The following CEP128 variants were observed in gnomAD, a reference collection of about 807,000 sequenced individuals.
CEP128 encodes the protein centrosomal protein 128kDa.
CEP128 carries 132 observed loss-of-function variants against 156.7 expected under a neutral mutation model. The ratio of observed to expected loss-of-function variants is 0.84; its 90% confidence interval spans 0.73 to 0.97. The LOEUF (loss-of-function observed/expected upper bound fraction) is 0.97, where lower values mean the gene tolerates loss of function less well. Among genes scored for constraint, CEP128 ranks in the 50% least tolerant of loss-of-function variants. CEP128 has a pLI of 0.00. For missense variants in CEP128, 1,252 were observed against 1,281.9 expected, an observed-to-expected ratio of 0.98 and a Z score of 0.36; for synonymous variants, 469 against 448.9, an observed-to-expected ratio of 1.04 and a Z score of -0.57.
In CEP128 at chr14:80,717,307, C is replaced by G. The variant is rs192282666; in HGVS notation, c.2806+25768G>C. ...GAACATATGAAAATACTGGAATACT[C>G]CCAAAAAAAGAAGTTCTTCAGTTCT... On this transcript the variant is annotated intron_variant, in intron 19 of 24. Transcript: ENST00000555265. Among the ~76,000 whole-genome samples, 661 of 152,052 alleles carry G rather than the reference C, an allele frequency of 4.3e-3. 9 individuals carry two copies. The highest frequency in any genetic ancestry group is 0.016 in the African/African-American group (646 of 41,480).
intron 19 of CEP128, among the ~76,000 whole-genome samples, chr14:80,730,921 C>G (rs1898243313): frequency 6.6e-6 from 1 of 151,834 alleles, no homozygotes; most frequent in Non-Finnish European, 1.5e-5. Context: ...GTGAGCTATT[C>G]AAAAAATTAT....
chr14:80,778,042 T>C lies in CEP128; in HGVS notation c.2216A>G (p.Glu739Gly). ...AGCCATATTCTTCTCTTCTAAACTT[T>C]CAGCCTGAGAAAAAGAGAAGGAAAA... The part of the protein sequence containing the change: ...AENHIRTLKA[E>G]SLEEKNMAKI... Residue 739 changes from glutamate (E) to glycine (G), a missense_variant, in exon 16 of 25, where the codon GAA (glutamate) becomes GGA (glycine). By Grantham distance (98) the Glu-to-Gly change is moderately conservative (BLOSUM62 -2). Coordinates refer to ENST00000555265, the MANE Select transcript of CEP128 (RefSeq NM_152446.5). 1 of 1,611,450 alleles carries C rather than the reference T, an allele frequency of 6.2e-7. No individual in the cohort carries two copies. The highest frequency in any genetic ancestry group is 8.5e-7 in the Non-Finnish European group (1 of 1,179,476).
intron 9 of CEP128, 39 bp from the exon 10 acceptor site, chr14:80,840,807 T>C: frequency 3.3e-6 from 4 of 1,226,982 alleles, no homozygotes; most frequent in Non-Finnish European, 4.8e-6. Flanking sequence ...TCCCAAAATA[T>C]GTACAAAACT....
In CEP128 at chr14:80,869,541, A is replaced by C. The variant is rs142135788; in HGVS notation, c.646-6668T>G. ...ACCTAACTATACCTCAAGAAACTAA[A>C]AAACAAAATTAAACTAAACTAAGCC... On this transcript the variant is annotated intron_variant, in intron 8 of 24. Coordinates refer to ENST00000555265, the MANE Select transcript of CEP128 (RefSeq NM_152446.5). Among the ~76,000 whole-genome samples, 929 of 152,166 alleles carry C rather than the reference A, an allele frequency of 6.1e-3. 11 individuals carry two copies. Among genetic ancestry groups the C allele is most frequent in the African/African-American group, 0.021 (882 of 41,566 alleles).
intron 19 of CEP128, among the ~76,000 whole-genome samples, chr14:80,596,048 G>A (rs1250504705): frequency 2.1e-5 from 2 of 97,426 alleles, no homozygotes; most frequent in Admixed American, 1.2e-4. Flanking sequence ...AACCATATCA[G>A]CAGGGAAAAA....
intron 19 of CEP128, among the ~76,000 whole-genome samples, chr14:80,611,216 A>G (rs567809678): frequency 1.1e-4 from 17 of 152,136 alleles, no homozygotes; most frequent in South Asian, 2.1e-4. Context: ...AAATTATTCA[A>G]TTAAGCTTTA....
intron 7 of CEP128, among the ~76,000 whole-genome samples, chr14:80,897,448 T>A (rs993020143): frequency 6.6e-6 from 1 of 152,206 alleles, no homozygotes; most frequent in African/African-American, 2.4e-5. Context: ...AGCTCCATAG[T>A]AAATATCCAG....
chr14:80,921,002 AAAC>A (rs1293057661), intron 2 of CEP128, among the ~76,000 whole-genome samples: 4 of 152,354 alleles, frequency 2.6e-5, no homozygotes, highest in East Asian at 1.9e-4. Flanking sequence ...GGCAAAATAA[AAAC>A]AACTCAAATT....
intron 8 of CEP128, among the ~76,000 whole-genome samples, chr14:80,885,893 AG>A (rs1888773854): frequency 6.6e-6 from 1 of 152,136 alleles, no homozygotes; most frequent in South Asian, 2.1e-4. Flanking sequence ...AAAAGGTTAT[AG>A]GAACTGCTTA....
At chr14:80,556,425 T>G (rs1183610465) in intron 21 of CEP128, among the ~76,000 whole-genome samples, 2 of 152,214 alleles carry the variant, frequency 1.3e-5, no homozygotes, top group East Asian at 3.9e-4. Flanking sequence ...CTACTATATA[T>G]CAAACATTTC....
intron 20 of CEP128, among the ~76,000 whole-genome samples, chr14:80,562,084 C>T (rs2140377889): frequency 9.0e-6 from 1 of 110,896 alleles, no homozygotes; most frequent in Non-Finnish European, 1.9e-5. Flanking sequence ...CCCGCCACCA[C>T]ATCCGGCTAA....
intron 16 of CEP128, among the ~76,000 whole-genome samples, chr14:80,773,266 T>A (rs922551089): frequency 6.6e-6 from 1 of 152,198 alleles, no homozygotes; most frequent in Non-Finnish European, 1.5e-5. Flanking sequence ...ATGGTGTTTG[T>A]GTTAGACTTA....
At chr14:80,623,373 T>C (rs1260373954) in intron 19 of CEP128, among the ~76,000 whole-genome samples, 1 of 151,664 alleles carries the variant, frequency 6.6e-6, no homozygotes, top group Non-Finnish European at 1.5e-5. Flanking sequence ...GACGAGTTAA[T>C]GGGTGCAGCA....
intron 19 of CEP128, among the ~76,000 whole-genome samples, chr14:80,711,037 A>G (rs1377445625): frequency 6.6e-6 from 1 of 152,116 alleles, no homozygotes; most frequent in African/African-American, 2.4e-5. Flanking sequence ...ATAGCAGCTA[A>G]AAACAAAGCA....
intron 13 of CEP128, among the ~76,000 whole-genome samples, chr14:80,803,801 T>C (rs1884014987): frequency 6.6e-6 from 1 of 152,194 alleles, no homozygotes; most frequent in Admixed American, 6.5e-5. Flanking sequence ...CTCTATTTCA[T>C]CCTGAATAAT....
chr14:80,594,304 A>C (rs932534610), intron 19 of CEP128, among the ~76,000 whole-genome samples: 5 of 152,152 alleles, frequency 3.3e-5, no homozygotes, highest in African/African-American at 1.2e-4. Flanking sequence ...TTCCTTACAC[A>C]TTATACAAAA....
chr14:80,701,103 C>T lies in CEP128; in HGVS notation c.2806+41972G>A, dbSNP rs1897059473. ...GCAGAGCAGGGGTCCAGCTTCTTGG[C>T]CCTTGTTCTAGACTCAGAAAAGAGA... On this transcript the variant is annotated intron_variant, in intron 19 of 24. Transcript: ENST00000555265. Among the ~76,000 whole-genome samples, 3 of 152,144 alleles carry T rather than the reference C, an allele frequency of 2.0e-5. No homozygotes were observed. In the South Asian group the frequency reaches 6.2e-4, roughly 32 times the overall value.
intron 24 of CEP128, among the ~76,000 whole-genome samples, chr14:80,503,707 A>C (rs1475884069): frequency 6.6e-6 from 1 of 152,194 alleles, no homozygotes; most frequent in Non-Finnish European, 1.5e-5. Context: ...GAAAGAAAAA[A>C]AATTTGGCCT....
intron 23 of CEP128, among the ~76,000 whole-genome samples, chr14:80,521,492 GA>G (rs1385149998): frequency 1.3e-5 from 2 of 151,964 alleles, no homozygotes; most frequent in African/African-American, 2.4e-5. Context: ...TTATAACAAA[GA>G]AAAAAATACC....
Sources: gnomAD v4.1 joint callset for allele counts (sites outside exome capture counted in the v4.1 genomes callset) on GRCh38, gnomAD v4.1.1 for gene constraint, MANE v1.5 for transcripts, NCBI Gene and HGNC (gene_info 2026-07-23, HGNC 2026-07-21) for gene names.